CRY1: variants seen among roughly 807,000 people sequenced by gnomAD.
CRY1 encodes the protein cryptochrome-1.
A neutral mutation model predicts 76.0 loss-of-function variants in CRY1; 45 were observed. The ratio of observed to expected loss-of-function variants is 0.59; its 90% confidence interval spans 0.47 to 0.76. The LOEUF is 0.76. Ranked by LOEUF, CRY1 falls within the 30% of genes least tolerant of loss-of-function variation. The pLI, the probability that CRY1 is intolerant of heterozygous loss-of-function variation, is 0.00. For missense variants in CRY1, 587 were observed against 716.4 expected (o/e 0.82, Z 2.06); for synonymous variants, 248 against 244.0 (o/e 1.02, Z -0.15).
chr12:107,014,874 T>A (rs1291969463), intron 2 of CRY1, among the ~76,000 whole-genome samples: 1 of 152,082 alleles, frequency 6.6e-6, no homozygotes. Context: ...ATATATTTTG[T>A]GTGTTTTTGT....
chr12:107,060,909 C>T (rs1019729208), intron 1 of CRY1, among the ~76,000 whole-genome samples: 6 of 151,974 alleles, frequency 3.9e-5, no homozygotes, highest in African/African-American at 1.2e-4. Flanking sequence ...ACCCGGGAGG[C>T]GGAAGTTGTG....
chr12:106,999,560 T>C lies in CRY1; in HGVS notation c.1128A>G (p.Glu376=). 1 of 1,611,350 alleles carries C rather than the reference T, an allele frequency of 6.2e-7. No individual in the cohort carries two copies. The highest frequency in any genetic ancestry group is 8.5e-7 in the Non-Finnish European group (1 of 1,178,800). The change falls in exon 7 of 13, where the codon GAA becomes GAG. Residue 376 remains glutamate (E), a synonymous_variant. Coordinates refer to ENST00000008527, the MANE Select transcript of CRY1 (RefSeq NM_004075.5). ...TRGDLWISWE[E]GMKVFEELLL... Reference sequence around the variant, plus strand: ...CAGTTAGAACACTTACCTTCATTCCTTCTTCCCAACTAATCCACAGGTCCC... The same window carrying C: ...CAGTTAGAACACTTACCTTCATTCCCTCTTCCCAACTAATCCACAGGTCCC...
At chr12:107,002,241 G>T (rs1427547623) in intron 3 of CRY1, among the ~76,000 whole-genome samples, 1 of 151,902 alleles carries the variant, frequency 6.6e-6, no homozygotes, top group Non-Finnish European at 1.5e-5. Context: ...GAAAAAACAA[G>T]TAAGAGGGGA....
chr12:107,025,000 C>T (rs1952591891), intron 1 of CRY1, among the ~76,000 whole-genome samples: 1 of 152,164 alleles, frequency 6.6e-6, no homozygotes, highest in East Asian at 1.9e-4. Context: ...CACTATGATG[C>T]TATTCTTTGT....
intron 1 of CRY1, among the ~76,000 whole-genome samples, chr12:107,063,264 A>C (rs1953069201): frequency 6.6e-6 from 1 of 152,230 alleles, no homozygotes; most frequent in African/African-American, 2.4e-5. Flanking sequence ...AACTTCAAAA[A>C]TGGCACTAAG....
chr12:107,035,599 C>G (rs1389712409), intron 1 of CRY1, among the ~76,000 whole-genome samples: 2 of 152,094 alleles, frequency 1.3e-5, no homozygotes, highest in Non-Finnish European at 2.9e-5. Context: ...AGTAATTTTC[C>G]CAAGGACACT....
intron 1 of CRY1, among the ~76,000 whole-genome samples, chr12:107,089,574 T>G (rs1012962683): frequency 6.6e-6 from 1 of 152,220 alleles, no homozygotes; most frequent in South Asian, 2.1e-4. Context: ...GTTTTGTTAA[T>G]GTGCTTATTA....
chr12:106,993,308 G>C (rs77862023), intron 10 of CRY1, among the ~76,000 whole-genome samples: 7,673 of 151,758 alleles, frequency 0.051, 273 homozygotes, highest in South Asian at 0.1. Flanking sequence ...TTTGAAACTT[G>C]ACCATGAAGG....
At chr12:107,019,574 CA>C in intron 2 of CRY1, among the ~76,000 whole-genome samples, 1 of 152,026 alleles carries the variant, frequency 6.6e-6, no homozygotes, top group Non-Finnish European at 1.5e-5. Flanking sequence ...ACAAAGAACA[CA>C]AAACACTTGC....
Position 106,997,650 on chromosome 12 carries a change from T to C in CRY1, c.1330A>G (p.Ile444Val). 1.9e-6 allele frequency: 3 copies of C among 1,614,126 alleles called. No individual in the cohort carries two copies. The highest frequency in any genetic ancestry group is 1.7e-6 in the Non-Finnish European group (2 of 1,179,984). Residue 444 changes from isoleucine to valine, a missense_variant, in exon 9 of 13, where the codon ATC becomes GTC. By Grantham distance (29) the Ile-to-Val change is conservative. Transcript: ENST00000008527. Reference protein sequence around the residue: ...PVLRGFPAKYIYDPWNAPEGI... With the variant: ...PVLRGFPAKYVYDPWNAPEGI... ...TCTGGTGCATTCCAGGGATCATAGATATATTTTGCAGGGAAGCCTCTTAGG... is the reference window on the plus strand; with the variant it reads ...TCTGGTGCATTCCAGGGATCATAGACATATTTTGCAGGGAAGCCTCTTAGG...
rs1393501032 is a variant in CRY1 at position 107,092,881 on chromosome 12, G to A, written c.81C>T (p.Gly27=). ...DNPALKECIQ[G]ADTIRCVYIL... ...TGTAGACGCAGCGGATGGTGTCGGC[G>A]CCCTGAATGCACTCCTTCAGGGCGG... Residue 27 remains glycine (G), a synonymous_variant, in exon 1 of 13, where the codon GGC becomes GGT. Coordinates refer to ENST00000008527, the MANE Select transcript of CRY1 (RefSeq NM_004075.5). 1 of 1,609,812 alleles carries A rather than the reference G, an allele frequency of 6.2e-7. No individual in the cohort carries two copies. The highest frequency in any genetic ancestry group is 1.7e-5 in the Admixed American group (1 of 59,766).
At chr12:107,009,442 G>C (rs905296695) in intron 2 of CRY1, among the ~76,000 whole-genome samples, 8 of 151,628 alleles carry the variant, frequency 5.3e-5, no homozygotes, top group Non-Finnish European at 1.0e-4. Flanking sequence ...AGGAGGCTGA[G>C]GCAGGAGAAT....
At chr12:107,054,589 A>C (rs977653858) in intron 1 of CRY1, among the ~76,000 whole-genome samples, 7 of 151,430 alleles carry the variant, frequency 4.6e-5, no homozygotes, top group Non-Finnish European at 8.9e-5. Flanking sequence ...CTATCAGACT[A>C]AATAAACAAA....
At chr12:106,998,303 T>C (rs1358975545) in intron 7 of CRY1, among the ~76,000 whole-genome samples, 1 of 152,134 alleles carries the variant, frequency 6.6e-6, no homozygotes, top group South Asian at 2.1e-4. Flanking sequence ...ACCTCTGCAG[T>C]GTTACTGGGA....
intron 1 of CRY1, among the ~76,000 whole-genome samples, chr12:107,079,966 A>G (rs1953303043): frequency 6.6e-6 from 1 of 152,146 alleles, no homozygotes; most frequent in Admixed American, 6.5e-5. Context: ...CAAGGGGGAC[A>G]ATGATTTGTA....
intron 1 of CRY1, among the ~76,000 whole-genome samples, chr12:107,090,469 T>A (rs753194168): frequency 2.6e-5 from 4 of 152,244 alleles, no homozygotes; most frequent in Non-Finnish European, 5.9e-5. Context: ...TCTCATATGC[T>A]GGTTCTTTCA....
At chr12:107,010,417 G>C (rs1483205196) in intron 2 of CRY1, among the ~76,000 whole-genome samples, 1 of 152,092 alleles carries the variant, frequency 6.6e-6, no homozygotes, top group Non-Finnish European at 1.5e-5. Context: ...ATTGTGCTTT[G>C]CTATTTATTG....
At chr12:107,077,779 C>A (rs1400239573) in intron 1 of CRY1, among the ~76,000 whole-genome samples, 1 of 152,080 alleles carries the variant, frequency 6.6e-6, no homozygotes, top group Non-Finnish European at 1.5e-5. Flanking sequence ...TTACCTCTCT[C>A]ATAAAAAATC....
chr12:107,027,248 G>A (rs1952627142), intron 1 of CRY1, among the ~76,000 whole-genome samples: 1 of 152,138 alleles, frequency 6.6e-6, no homozygotes. Flanking sequence ...TAATAGAAAT[G>A]CATGTGCTCT....
Sources: allele counts gnomAD v4.1 joint callset (sites outside exome capture counted in the v4.1 genomes callset), GRCh38; gene constraint gnomAD v4.1.1; transcripts MANE v1.5; gene names NCBI Gene and HGNC (gene_info 2026-07-23, HGNC 2026-07-21).